Variants in SERPINA3 observed in about 807,000 individuals in gnomAD.
The protein encoded by SERPINA3 is serpin family A member 3.
In SERPINA3, 32 loss-of-function variants were observed where a neutral mutation model predicts 26.8. The ratio of observed to expected loss-of-function variants is 1.20; its 90% CI spans 0.90 to 1.61. SERPINA3 has a LOEUF of 1.61. Among genes scored for constraint, SERPINA3 ranks in the 40% most tolerant of loss-of-function variants. The pLI is 0.00. For synonymous variants in SERPINA3, 252 were observed against 206.4 expected (o/e 1.22, Z -1.89); for missense variants, 632 against 517.9 (o/e 1.22, Z -2.14).
chr14:94,615,072 A>G lies in SERPINA3; in HGVS notation c.631A>G (p.Ile211Val). The G allele has an allele frequency of 6.2e-7, 1 of 1,614,014 alleles. No individual in the cohort carries two copies. The highest frequency in any genetic ancestry group is 8.5e-7 in the Non-Finnish European group (1 of 1,180,038). Residue 211 changes from isoleucine (I) to valine (V), a missense_variant, in exon 2 of 5, where the codon ATC (isoleucine) becomes GTC (valine). Ile to Val is a conservative substitution (Grantham distance 29). Coordinates refer to ENST00000393078, the MANE Select transcript of SERPINA3 (RefSeq NM_001085.5). ...GACAATGATGGTCCTGGTGAATTAC[A>G]TCTTCTTTAAAGGTGAGTGTGCCTG... ...SQTMMVLVNY[I>V]FFKAKWEMPF... is the part of the protein sequence containing the mutation.
Position 94,614,573 on chromosome 14 carries a change from C to T in SERPINA3, c.132C>T (p.His44=), listed in dbSNP as rs764831011. The stretch of plus-strand genomic sequence containing the variant: ...AGGAGAACCAAGACCGAGGGACACA[C>T]GTGGACCTCGGATTAGCCTCCGCCA... ...LTQENQDRGT[H]VDLGLASANV... Residue 44 remains histidine (H), a synonymous_variant, in exon 2 of 5, where the codon CAC becomes CAT. Transcript: ENST00000393078. 1.4e-5 allele frequency: 22 copies of T among 1,614,062 alleles called. No individual in the cohort carries two copies. Among genetic ancestry groups the T allele is most frequent in the South Asian group, 8.8e-5 (8 of 91,080 alleles).
At chr14:94,619,783 CAG>C (rs1886134490) in intron 3 of SERPINA3, 1 of 443,576 alleles carries the variant, frequency 2.3e-6, no homozygotes, top group South Asian at 2.2e-5. Flanking sequence ...GAGAGAGAAA[CAG>C]AAGGAATTGT....
In SERPINA3 at chr14:94,614,812, G is replaced by A. The variant is rs777232494; in HGVS notation, c.371G>A (p.Arg124His). The A allele has an allele frequency of 1.1e-5, 17 of 1,614,144 alleles. No individual in the cohort carries two copies. The highest frequency in any genetic ancestry group is 1.6e-4 in the Middle Eastern group (1 of 6,062). The stretch of plus-strand genomic sequence containing the variant: ...CACCAGAGCTTCCAGCACCTCCTGC[G>A]CACCCTCAATCAGTCCAGCGATGAG... ...EIHQSFQHLL[R>H]TLNQSSDELQ... The change falls in exon 2 of 5, where the codon CGC becomes CAC. Residue 124 changes from arginine (R) to histidine (H), a missense_variant. Physicochemically the swap from Arg to His is conservative, Grantham distance 29. Transcript: ENST00000393078.
chr14:94,621,562 G>T (rs1416573111), intron 3 of SERPINA3, among the ~76,000 whole-genome samples: 1 of 152,114 alleles, frequency 6.6e-6, no homozygotes, highest in Non-Finnish European at 1.5e-5. Context: ...TAAGGGAGGG[G>T]GAGTTTGCAG....
intron 1 of SERPINA3, chr14:94,613,728 A>T (rs1885870959): frequency 6.6e-6 from 1 of 152,382 alleles, no homozygotes; most frequent in African/African-American, 2.4e-5. Flanking sequence ...GGACACAGAC[A>T]CCACGTGGCA....
chr14:94,622,269 A>G (rs1886227368), intron 3 of SERPINA3, 72 bp from the exon 4 acceptor site: 1 of 1,434,626 alleles, frequency 7.0e-7, no homozygotes, highest in Non-Finnish European at 9.8e-7. Context: ...AGGGAAGACC[A>G]TGCTGCGAGG....
chr14:94,620,518 A>G (rs1886161930), intron 3 of SERPINA3, among the ~76,000 whole-genome samples: 1 of 152,164 alleles, frequency 6.6e-6, no homozygotes, highest in South Asian at 2.1e-4. Context: ...TGTGAAATGG[A>G]GAGCCATCAG....
intron 1 of SERPINA3, 72 bp downstream of exon 1, chr14:94,612,519 G>A: frequency 2.3e-6 from 2 of 873,852 alleles, no homozygotes; most frequent in African/African-American, 1.7e-5. Context: ...GCAGCAGCCT[G>A]GAGTGTGTGG....
At position 94,619,277 on chromosome 14, in the gene SERPINA3, C is replaced by T. The variant is rs746035489; in HGVS notation, c.726C>T (p.Pro242=). The part of the protein sequence containing the change: ...YLSKKKWVMV[P]MMSLHHLTIP... ...GCAAGAAAAAGTGGGTAATGGTGCC[C>T]ATGATGAGTTTGCATCACCTGACTA... is the stretch of plus-strand genomic sequence containing the variant. The change falls in exon 3 of 5, where the codon CCC becomes CCT. Residue 242 remains proline, a synonymous_variant. Transcript: ENST00000393078. 5 of 1,614,120 alleles carry T rather than the reference C, an allele frequency of 3.1e-6. No individual in the cohort carries two copies. Among genetic ancestry groups the T allele is most frequent in the Non-Finnish European group, 4.2e-6 (5 of 1,180,010 alleles).
In SERPINA3 at chr14:94,614,876, G is replaced by C; in HGVS notation, c.435G>C (p.Glu145Asp). Reference sequence around the variant, plus strand: ...TGGGAAATGCCATGTTTGTCAAAGAGCAACTCAGTCTGCTGGACAGGTTCA... The same window carrying C: ...TGGGAAATGCCATGTTTGTCAAAGACCAACTCAGTCTGCTGGACAGGTTCA... ...LSMGNAMFVK[E>D]QLSLLDRFTE... Residue 145 changes from glutamate to aspartate, a missense_variant, in exon 2 of 5, where the codon GAG becomes GAC. Physicochemically the swap from Glu to Asp is conservative, Grantham distance 45. Transcript: ENST00000393078. 1 of 1,614,168 alleles carries C rather than the reference G, an allele frequency of 6.2e-7. No homozygotes were observed. Among genetic ancestry groups the C allele is most frequent in the Non-Finnish European group, 8.5e-7 (1 of 1,180,026 alleles).
intron 1 of SERPINA3, 112 bp from the exon 2 acceptor site, chr14:94,614,322 G>A (rs71431651): frequency 0.044 from 48,372 of 1,087,670 alleles, 1,314 homozygotes; most frequent in Middle Eastern, 0.059. Flanking sequence ...AGGCTCCAAA[G>A]CTAGCAAGAG....
Position 94,614,688 on chromosome 14 carries a change from G to T in SERPINA3, c.247G>T (p.Ala83Ser), listed in dbSNP as rs199923400. ...CTTCTCCCCACTGAGCATCTCCACC[G>T]CCTTGGCCTTCCTGTCTCTGGGGGC... The part of the protein sequence containing the change: ...VIFSPLSIST[A>S]LAFLSLGAHN... Residue 83 changes from alanine to serine, a missense_variant, in exon 2 of 5, where the codon GCC becomes TCC. Ala to Ser is a moderately conservative substitution (Grantham distance 99, BLOSUM62 1). Transcript: ENST00000393078. The T allele has an allele frequency of 2.5e-6, 4 of 1,614,020 alleles. No homozygotes were observed. The highest frequency in any genetic ancestry group is 1.6e-4 in the Middle Eastern group (1 of 6,062).
At chr14:94,618,856 C>T (rs1172202203) in intron 2 of SERPINA3, 3 of 445,404 alleles carry the variant, frequency 6.7e-6, no homozygotes, top group Admixed American at 7.0e-5. Context: ...AAAGGCTGTC[C>T]CATTTCTCCT....
intron 2 of SERPINA3, chr14:94,618,781 T>C (rs999787423): frequency 6.6e-6 from 2 of 303,192 alleles, no homozygotes; most frequent in Non-Finnish European, 1.3e-5. Flanking sequence ...CACTGTTATA[T>C]GTTCACATCC....
chr14:94,620,064 G>A, intron 3 of SERPINA3: 1 of 294,680 alleles, frequency 3.4e-6, no homozygotes, highest in East Asian at 5.5e-5. Context: ...GAGAAATTGA[G>A]TAAGGGGATA....
At chr14:94,618,277 T>A (rs936353391) in intron 2 of SERPINA3, 1 of 152,192 alleles carries the variant, frequency 6.6e-6, no homozygotes, top group Non-Finnish European at 1.5e-5. Context: ...CTCTTTACTA[T>A]GGTAAATAGG....
At chr14:94,612,481 G>A (rs1382780467) in intron 1 of SERPINA3, 34 bp downstream of exon 1, 5 of 1,301,702 alleles carry the variant, frequency 3.8e-6, no homozygotes, top group Non-Finnish European at 5.2e-6. Context: ...TGGGAGCGGA[G>A]GAATCTGTTT....
Position 94,623,923 on chromosome 14 carries a change from T to A in SERPINA3, c.*109T>A. On this transcript the variant is annotated 3_prime_UTR_variant, in exon 5 of 5. Coordinates refer to ENST00000393078, the MANE Select transcript of SERPINA3 (RefSeq NM_001085.5). ...CTGTGCACCGAGTGGCCATGGCATG[T>A]GTGGCCCTGTCTGCTTATCCTTGGA... The A allele has an allele frequency of 1.1e-6, 1 of 940,130 alleles. No individual in the cohort carries two copies. Among genetic ancestry groups the A allele is most frequent in the Non-Finnish European group, 1.7e-6 (1 of 578,636 alleles). 58.2% of individuals were successfully genotyped at this position (940,130 alleles called of 1,614,324 possible). A position where few individuals can be genotyped will look rare whatever the true frequency, so the allele number is the denominator to read the frequency against.
chr14:94,623,815 AG>A lies in SERPINA3; in HGVS notation c.*2del. The A allele has an allele frequency of 6.2e-7, 1 of 1,613,430 alleles. No homozygotes were observed. Among genetic ancestry groups the A allele is most frequent in the Non-Finnish European group, 8.5e-7 (1 of 1,179,470 alleles). ...AGTCACCAATCCCAAGCAAGCCTAG[AG>A]CTTGCCATCAAGCAGTGGGGCTCTC... On this transcript the variant is annotated 3_prime_UTR_variant, in exon 5 of 5. Transcript: ENST00000393078.
Sources: gnomAD v4.1 joint callset for allele counts (sites outside exome capture counted in the v4.1 genomes callset) on GRCh38, gnomAD v4.1.1 for gene constraint, MANE v1.5 for transcripts, NCBI Gene and HGNC (gene_info 2026-07-23, HGNC 2026-07-21) for gene names.